MERTK: variants seen among roughly 807,000 people sequenced by gnomAD.
MERTK encodes tyrosine-protein kinase Mer.
In MERTK, 69 loss-of-function variants were observed where a neutral mutation model predicts 99.3. The observed-to-expected ratio is 0.70, with a 90% CI of 0.57 to 0.85. MERTK has a LOEUF of 0.85. Ranked by LOEUF, MERTK falls within the 40% of genes least tolerant of loss-of-function variation. The pLI is 0.00. For missense variants in MERTK, 1,125 were observed against 1,249.4 expected (o/e 0.90, Z 1.50); for synonymous variants, 426 against 467.6 (o/e 0.91, Z 1.15).
chr2:111,900,884 C>T (rs1684030434), intron 1 of MERTK, among the ~76,000 whole-genome samples: 1 of 152,184 alleles, frequency 6.6e-6, no homozygotes, highest in African/African-American at 2.4e-5. Context: ...TCCTATTACA[C>T]ATTGTGGGTC....
Position 111,898,643 on chromosome 2 carries a change from G to A in MERTK, c.-93G>A, listed in dbSNP as rs949057038. The A allele has an allele frequency of 1.4e-6, 2 of 1,469,890 alleles. No individual in the cohort carries two copies. 91.1% of individuals were successfully genotyped at this position (1,469,890 alleles called of 1,614,324 possible). On this transcript the variant is annotated 5_prime_UTR_variant, in exon 1 of 19. Coordinates refer to ENST00000295408, the MANE Select transcript of MERTK (RefSeq NM_006343.3). The stretch of plus-strand genomic sequence containing the variant: ...ACTGCCCGGGCCGCCCGGACAGGGA[G>A]CTTCGCTGGCGCGCTTGGCCGGCGA...
At chr2:111,998,770 C>G (rs1676803825) in intron 10 of MERTK, among the ~76,000 whole-genome samples, 1 of 152,132 alleles carries the variant, frequency 6.6e-6, no homozygotes, top group Non-Finnish European at 1.5e-5. Context: ...AATATATTAA[C>G]AAGATTACAA....
chr2:111,913,002 C>G (rs1395077257), intron 1 of MERTK: 1 of 981,632 alleles, frequency 1.0e-6, no homozygotes, highest in Non-Finnish European at 1.2e-6. Context: ...CAGTGATACA[C>G]CCTTCACAGG....
At chr2:111,924,616 G>T (rs763992665) in intron 1 of MERTK, among the ~76,000 whole-genome samples, 2 of 152,274 alleles carry the variant, frequency 1.3e-5, no homozygotes, top group East Asian at 1.9e-4. Context: ...ATCAAGCCTA[G>T]CTCTGAGCCT....
At chr2:111,923,237 TCA>T (rs747536198) in intron 1 of MERTK, among the ~76,000 whole-genome samples, 1 of 152,150 alleles carries the variant, frequency 6.6e-6, no homozygotes, top group Non-Finnish European at 1.5e-5. Flanking sequence ...CAGGGCAAAC[TCA>T]CACAGAAAAA....
chr2:112,021,410 T>C lies in MERTK; in HGVS notation c.2190-12T>C, dbSNP rs369776412. On this transcript the variant is annotated splice_polypyrimidine_tract_variant and intron_variant, in intron 16 of 18. Coordinates refer to ENST00000295408, the MANE Select transcript of MERTK (RefSeq NM_006343.3). ...CTCTGACGCTGCTGAAGACGTAACC[T>C]GCTCTCTGTAGGTTGCGAGATGACA... 6.2e-7 allele frequency: 1 copy of C among 1,612,708 alleles called. No individual in the cohort carries two copies. The highest frequency in any genetic ancestry group is 8.5e-7 in the Non-Finnish European group (1 of 1,179,866).
intron 1 of MERTK, among the ~76,000 whole-genome samples, chr2:111,899,366 C>T (rs1165941540): frequency 2.0e-5 from 3 of 152,164 alleles, no homozygotes. Context: ...TCCCAATGGG[C>T]CCTTACGGGC....
chr2:111,928,740 C>T (rs1440555282), intron 1 of MERTK, among the ~76,000 whole-genome samples: 2 of 152,214 alleles, frequency 1.3e-5, no homozygotes, highest in Admixed American at 1.3e-4. Context: ...CCTGTCTCGA[C>T]CTCCCAAAGT....
chr2:111,971,160 AGATCC>A (rs1211478805), intron 6 of MERTK, among the ~76,000 whole-genome samples: 7 of 152,192 alleles, frequency 4.6e-5, no homozygotes, highest in Non-Finnish European at 1.0e-4. Flanking sequence ...GTTAGTAATA[AGATCC>A]CCTGTTTCAT....
At chr2:111,991,103 C>G (rs924001806) in intron 8 of MERTK, among the ~76,000 whole-genome samples, 1 of 152,140 alleles carries the variant, frequency 6.6e-6, no homozygotes, top group African/African-American at 2.4e-5. Flanking sequence ...CCAAACGGCT[C>G]CATGACCGTG....
intron 17 of MERTK, 114 bp downstream of exon 17, chr2:112,021,695 G>A: frequency 1.0e-6 from 1 of 965,022 alleles, no homozygotes; most frequent in East Asian, 2.5e-5. Context: ...ACTGAGGGTT[G>A]GCAGCTTGCT....
At chr2:111,917,983 T>C (rs1193145329) in intron 1 of MERTK, among the ~76,000 whole-genome samples, 1 of 151,610 alleles carries the variant, frequency 6.6e-6, no homozygotes, top group Non-Finnish European at 1.5e-5. Context: ...TTCATAATGT[T>C]GTGCAGTCGT....
intron 2 of MERTK, among the ~76,000 whole-genome samples, chr2:111,942,608 A>G (rs998941209): frequency 6.6e-6 from 1 of 152,174 alleles, no homozygotes; most frequent in Admixed American, 6.5e-5. Context: ...ACTGCCCCAA[A>G]GCATGAAAGG....
At chr2:111,944,303 CAAAAAAAAA>C (rs776451722) in intron 2 of MERTK, among the ~76,000 whole-genome samples, 1 of 68,082 alleles carries the variant, frequency 1.5e-5, no homozygotes, top group East Asian at 5.1e-4. Flanking sequence ...GAATCTGTCT[CAAAAAAAAA>C]AAAAAAAAAA....
rs1324974147 is a variant in MERTK at position 112,026,771 on chromosome 2, T to G, written c.2487-1580T>G. On this transcript the variant is annotated intron_variant, in intron 18 of 18. Transcript: ENST00000295408. ...AAAGTGGACAGATGAAAAGATATTA[T>G]TATACATCTACGTGAATGAGATCTG... 2.0e-5 allele frequency among the ~76,000 whole-genome samples: 3 copies of G among 152,338 alleles called. No individual in the cohort carries two copies. The East Asian group carries it at 5.8e-4, about 29-fold the overall frequency.
chr2:112,025,781 G>C (rs1677448963), intron 18 of MERTK, among the ~76,000 whole-genome samples: 1 of 152,218 alleles, frequency 6.6e-6, no homozygotes, highest in Non-Finnish European at 1.5e-5. Context: ...AAATTCATAT[G>C]ATTGCATTTA....
intron 1 of MERTK, among the ~76,000 whole-genome samples, chr2:111,902,854 C>T (rs1684071191): frequency 1.4e-5 from 2 of 141,092 alleles, no homozygotes; most frequent in Admixed American, 7.9e-5. Flanking sequence ...TCTCTGCTCA[C>T]TGCAACCTCC....
chr2:111,989,807 G>A (rs1676573306), intron 8 of MERTK, among the ~76,000 whole-genome samples: 1 of 152,208 alleles, frequency 6.6e-6, no homozygotes, highest in African/African-American at 2.4e-5. Flanking sequence ...TTTTCTGACT[G>A]TCAAGATACA....
chr2:111,910,591 AGTGT>A (rs139430156), intron 1 of MERTK, among the ~76,000 whole-genome samples: 6 of 141,208 alleles, frequency 4.2e-5, no homozygotes, highest in South Asian at 2.3e-4. Context: ...TTAAAAAAAA[AGTGT>A]GTGTGTGTGT....
Sources: gnomAD v4.1 joint callset for allele counts (sites outside exome capture counted in the v4.1 genomes callset) on GRCh38, gnomAD v4.1.1 for gene constraint, MANE v1.5 for transcripts, NCBI Gene and HGNC (gene_info 2026-07-23, HGNC 2026-07-21) for gene names.